The following PTPRN2 variants were observed in gnomAD, a reference collection of about 807,000 sequenced individuals.
The protein encoded by PTPRN2 is receptor-type tyrosine-protein phosphatase N2.
PTPRN2 carries 74 observed loss-of-function variants against 118.8 expected under a neutral mutation model. The ratio of observed to expected loss-of-function variants is 0.62; its 90% CI spans 0.52 to 0.76. The LOEUF is 0.76. PTPRN2 is among the 30% of genes least tolerant of loss of function. The pLI is 0.00. For synonymous variants in PTPRN2, 641 were observed against 608.0 expected (o/e 1.05, Z -0.80); for missense variants, 1,481 against 1,394.4 (o/e 1.06, Z -0.99).
chr7:158,202,246 A>T (rs1335755391), intron 4 of PTPRN2, among the ~76,000 whole-genome samples: 1 of 152,338 alleles, frequency 6.6e-6, no homozygotes, highest in Admixed American at 6.5e-5. Context: ...AAGAAAAACG[A>T]TCACATTTCC....
rs1808024637 is a variant in PTPRN2, at chr7:158,352,152, GACTGC to G, written c.164-35225_164-35221del. On this transcript the variant is annotated intron_variant, in intron 2 of 22. Transcript: ENST00000389418. ...CTCCCCTCCTGTCCGCTCCCCTCCT[GACTGC>G]TCCCCTCCTGACCGCTCCCCTCCTG... Among the ~76,000 whole-genome samples, 3 of 7,714 alleles carry G rather than the reference GACTGC, an allele frequency of 3.9e-4. 1 individual carries two copies. The highest frequency in any genetic ancestry group is 3.6e-3 in the African/African-American group (3 of 842). 5.1% of individuals were successfully genotyped at this position (7,714 alleles called of 152,430 possible). A position where few individuals can be genotyped will look rare whatever the true frequency, so the allele number is the denominator to read the frequency against.
At chr7:158,394,189 G>A (rs566368268) in intron 2 of PTPRN2, among the ~76,000 whole-genome samples, 3 of 140,218 alleles carry the variant, frequency 2.1e-5, no homozygotes, top group East Asian at 2.1e-4. Flanking sequence ...TGTCCCCCAC[G>A]GATGCGTGGT....
At chr7:158,390,191 C>G (rs947494321) in intron 2 of PTPRN2, among the ~76,000 whole-genome samples, 1 of 152,124 alleles carries the variant, frequency 6.6e-6, no homozygotes, top group Non-Finnish European at 1.5e-5. Context: ...CTCAGAGGCG[C>G]CGTCGCCCTG....
intron 11 of PTPRN2, among the ~76,000 whole-genome samples, chr7:158,065,130 C>T (rs574342917): frequency 2.2e-4 from 34 of 152,278 alleles, no homozygotes; most frequent in African/African-American, 5.8e-4. Flanking sequence ...CGACTCGGGA[C>T]GAGAGAAACG....
intron 2 of PTPRN2, among the ~76,000 whole-genome samples, chr7:158,414,208 C>T (rs116319488): frequency 2.0e-5 from 3 of 152,014 alleles, no homozygotes; most frequent in South Asian, 2.1e-4. Flanking sequence ...CAACCCCGAA[C>T]GGCCCATAGC....
intron 1 of PTPRN2, among the ~76,000 whole-genome samples, chr7:158,496,356 G>A (rs1236522222): frequency 2.2e-5 from 1 of 45,168 alleles, no homozygotes; most frequent in Admixed American, 3.1e-4. Flanking sequence ...CCCCTTCCCT[G>A]CGCCCCTTCC....
chr7:158,460,617 T>A (rs1283712919), intron 2 of PTPRN2, among the ~76,000 whole-genome samples: 1 of 151,694 alleles, frequency 6.6e-6, no homozygotes, highest in Admixed American at 6.6e-5. Flanking sequence ...CTGTGTGCCG[T>A]CAGCACAGGA....
chr7:157,945,533 G>A (rs1053499849), intron 11 of PTPRN2, among the ~76,000 whole-genome samples: 30 of 152,096 alleles, frequency 2.0e-4, no homozygotes, highest in African/African-American at 6.5e-4. Context: ...AGACAAAGCC[G>A]TCTCCAACTC....
chr7:157,981,213 G>C (rs1314708322), intron 11 of PTPRN2, among the ~76,000 whole-genome samples: 1 of 152,230 alleles, frequency 6.6e-6, no homozygotes, highest in Non-Finnish European at 1.5e-5. Flanking sequence ...TACAAATTCA[G>C]AGGAACTGCA....
chr7:157,678,460 C>A (rs780467970), intron 13 of PTPRN2, among the ~76,000 whole-genome samples: 2 of 152,178 alleles, frequency 1.3e-5, no homozygotes, highest in African/African-American at 4.8e-5. Flanking sequence ...TGAACCAAGG[C>A]GTGACCTGTG....
At position 157,785,856 on chromosome 7, in the gene PTPRN2, G is replaced by C. The variant is rs1037540139; in HGVS notation, c.1789-102919C>G. 6.6e-6 allele frequency among the ~76,000 whole-genome samples: 1 copy of C among 152,178 alleles called. No homozygotes were observed. The highest frequency in any genetic ancestry group is 2.4e-5 in the African/African-American group (1 of 41,440). On this transcript the variant is annotated intron_variant, in intron 12 of 22. Transcript: ENST00000389418. This position sits in a 1 kb window ranked among gnomAD's most constrained non-coding sequence, Gnocchi z 7.3. ...GTTTTCCCTTCTGCACAACAGCGGA[G>C]GTTTTCCTGGAGTTCATAATCACTG... is the stretch of plus-strand genomic sequence containing the variant.
chr7:158,272,795 C>A (rs1181253479), intron 3 of PTPRN2, among the ~76,000 whole-genome samples: 6 of 152,154 alleles, frequency 3.9e-5, no homozygotes, highest in Non-Finnish European at 8.8e-5. Flanking sequence ...GTGTGAGGGC[C>A]ATCGGGGAGG....
chr7:157,746,639 C>T (rs1034613617), intron 12 of PTPRN2, among the ~76,000 whole-genome samples: 4 of 150,606 alleles, frequency 2.7e-5, no homozygotes, highest in African/African-American at 4.9e-5. Context: ...ATAGAGATCA[C>T]GGGCCTCTAT....
At chr7:158,397,350 C>T (rs997097548) in intron 2 of PTPRN2, among the ~76,000 whole-genome samples, 1 of 152,230 alleles carries the variant, frequency 6.6e-6, no homozygotes, top group African/African-American at 2.4e-5. Context: ...ACACCCTCAG[C>T]GGTTGTGAAC....
At chr7:158,257,428 G>C (rs1055787085) in intron 3 of PTPRN2, among the ~76,000 whole-genome samples, 2 of 152,146 alleles carry the variant, frequency 1.3e-5, no homozygotes, top group African/African-American at 4.8e-5. Context: ...CCTGCTGTAC[G>C]TGCGCTAAAC....
At chr7:158,549,492 C>A (rs752007849) in intron 1 of PTPRN2, among the ~76,000 whole-genome samples, 9 of 152,264 alleles carry the variant, frequency 5.9e-5, no homozygotes, top group African/African-American at 9.6e-5. Context: ...AAAGGGGCAG[C>A]CGTGAATAGG....
chr7:158,466,373 CT>C lies in PTPRN2; in HGVS notation c.163+23361del, dbSNP rs760814560. ...CCACTCTCTGTTTCTATGTAGTCAACTTTTTTTTTTAAGATTCTACATATGT... is the reference window on the plus strand; with the variant it reads ...CCACTCTCTGTTTCTATGTAGTCAACTTTTTTTTTAAGATTCTACATATGT... On this transcript the variant is annotated intron_variant, in intron 2 of 22. Coordinates refer to ENST00000389418, the MANE Select transcript of PTPRN2 (RefSeq NM_002847.5). Among the ~76,000 whole-genome samples the C allele has an allele frequency of 3.9e-4, 59 of 149,712 alleles. No homozygotes were observed. The East Asian group carries it at 8.8e-3, about 22-fold the overall frequency.
At chr7:157,892,958 C>T (rs1796887681) in intron 12 of PTPRN2, among the ~76,000 whole-genome samples, 1 of 152,236 alleles carries the variant, frequency 6.6e-6, no homozygotes, top group South Asian at 2.1e-4. Context: ...CTTGGGGCAA[C>T]AGGAGACACA....
chr7:158,091,582 G>A (rs1814126823), intron 10 of PTPRN2, among the ~76,000 whole-genome samples: 1 of 152,216 alleles, frequency 6.6e-6, no homozygotes, highest in Admixed American at 6.5e-5. Flanking sequence ...GGGTGCGTGA[G>A]GGATAGGTGA....
Sources: gnomAD v4.1 joint callset for allele counts (sites outside exome capture counted in the v4.1 genomes callset) on GRCh38, gnomAD v4.1.1 for gene constraint, Gnocchi (gnomAD v3.1) non-coding constraint, MANE v1.5 for transcripts, NCBI Gene and HGNC (gene_info 2026-07-23, HGNC 2026-07-21) for gene names.